The following IGF2BP1 variants were observed in gnomAD, a reference collection of about 807,000 sequenced individuals.
IGF2BP1 encodes the protein insulin-like growth factor 2 mRNA-binding protein 1.
Under a neutral mutation model 74.9 loss-of-function variants are expected in IGF2BP1, and 11 were observed. The observed-to-expected ratio is 0.15, with a 90% CI of 0.09 to 0.24. The LOEUF (loss-of-function observed/expected upper bound fraction) is 0.24, where lower values mean the gene tolerates loss of function less well. Among genes scored for constraint, IGF2BP1 ranks in the 10% least tolerant of loss-of-function variants. IGF2BP1 has a pLI of 1.00. For missense variants in IGF2BP1, 440 were observed against 757.4 expected, an observed-to-expected ratio of 0.58 and a Z score of 4.92; for synonymous variants, 287 against 281.8, an observed-to-expected ratio of 1.02 and a Z score of -0.18.
At chr17:49,010,351 C>G (rs1051263117) in intron 2 of IGF2BP1, among the ~76,000 whole-genome samples, 6 of 120,934 alleles carry the variant, frequency 5.0e-5, no homozygotes, top group African/African-American at 6.4e-5. Flanking sequence ...CAGTCTTGCT[C>G]TGTCGCCCAG....
At chr17:49,013,368 C>T (rs1244115622) in intron 2 of IGF2BP1, among the ~76,000 whole-genome samples, 2 of 152,150 alleles carry the variant, frequency 1.3e-5, no homozygotes, top group Non-Finnish European at 2.9e-5. Context: ...GTTCCGTGCC[C>T]CCACCCTGCT....
chr17:49,003,817 G>C (rs1598121285), intron 2 of IGF2BP1, among the ~76,000 whole-genome samples: 1 of 149,970 alleles, frequency 6.7e-6, no homozygotes, highest in Admixed American at 6.7e-5. Flanking sequence ...GGAGATACGG[G>C]GTTGGGTGGA....
intron 2 of IGF2BP1, chr17:49,014,740 G>A (rs1247578454): frequency 2.0e-6 from 2 of 984,242 alleles, no homozygotes; most frequent in Non-Finnish European, 2.4e-6. Flanking sequence ...GCAGACGCTT[G>A]CGGGGCTGGT....
chr17:49,004,162 C>CT (rs1437975599), intron 2 of IGF2BP1, among the ~76,000 whole-genome samples: 1 of 152,228 alleles, frequency 6.6e-6, no homozygotes, highest in Non-Finnish European at 1.5e-5. Context: ...AGAACATCCG[C>CT]TGGCCTGGGT....
chr17:49,004,980 G>A (rs1028867718), intron 2 of IGF2BP1: 1 of 152,220 alleles, frequency 6.6e-6, no homozygotes. Flanking sequence ...TCCCCAGGTA[G>A]TGACTTCATT....
chr17:49,049,816 C>T lies in IGF2BP1; in HGVS notation c.*372C>T, dbSNP rs2042148272. ...CATGCAGAGAGGTGTTTTAATCAGC[C>T]TTAAAGGATGGTTCATTTCTTGACC... is the stretch of plus-strand genomic sequence containing the variant. On this transcript the variant is annotated 3_prime_UTR_variant, in exon 15 of 15. Coordinates refer to ENST00000290341, the MANE Select transcript of IGF2BP1 (RefSeq NM_006546.4). The T allele has an allele frequency of 6.0e-6, 1 of 165,898 alleles. No individual in the cohort carries two copies. Among genetic ancestry groups the T allele is most frequent in the Non-Finnish European group, 1.3e-5 (1 of 77,032 alleles). The allele number at this position is 165,898 out of a possible 1,614,324, so 10.3% of individuals were successfully genotyped here. A position where few individuals can be genotyped will look rare whatever the true frequency, so the allele number is the denominator to read the frequency against.
At chr17:49,033,887 A>C (rs2041952258) in intron 5 of IGF2BP1, among the ~76,000 whole-genome samples, 1 of 147,296 alleles carries the variant, frequency 6.8e-6, no homozygotes. Context: ...TGTTGCAAAC[A>C]CAGCTCATTG....
intron 2 of IGF2BP1, among the ~76,000 whole-genome samples, chr17:49,015,687 C>G (rs995263987): frequency 3.3e-5 from 5 of 152,234 alleles, no homozygotes; most frequent in Non-Finnish European, 2.9e-5. Context: ...GGGAGCCACT[C>G]AAGGTCGGGG....
intron 2 of IGF2BP1, among the ~76,000 whole-genome samples, chr17:49,020,116 C>T (rs1224964254): frequency 1.3e-5 from 2 of 150,948 alleles, no homozygotes; most frequent in African/African-American, 2.4e-5. Flanking sequence ...TGCAATGGTG[C>T]GATCTCACTG....
intron 2 of IGF2BP1, among the ~76,000 whole-genome samples, chr17:49,011,273 GA>G (rs2041616788): frequency 6.6e-6 from 1 of 151,426 alleles, no homozygotes; most frequent in African/African-American, 2.4e-5. Context: ...TCACAGAAAT[GA>G]GGCTCTCAGT....
intron 12 of IGF2BP1, 37 bp downstream of exon 12, chr17:49,045,102 G>A: frequency 1.3e-6 from 2 of 1,576,748 alleles, no homozygotes; most frequent in Middle Eastern, 1.7e-4. Flanking sequence ...TGAACATGGA[G>A]GAATTGAGGT....
chr17:49,047,367 C>CATA (rs943265103), intron 14 of IGF2BP1, among the ~76,000 whole-genome samples: 6 of 151,864 alleles, frequency 4.0e-5, no homozygotes, highest in South Asian at 2.1e-4. Context: ...TAATAAGAGC[C>CATA]ATAATAATAA....
intron 2 of IGF2BP1, chr17:49,014,781 G>T: frequency 1.0e-6 from 1 of 985,380 alleles, no homozygotes; most frequent in Non-Finnish European, 1.2e-6. Flanking sequence ...TCATCAGGGG[G>T]CACTAAGGAC....
chr17:49,047,913 A>G (rs2042125342), intron 14 of IGF2BP1, among the ~76,000 whole-genome samples: 1 of 151,954 alleles, frequency 6.6e-6, no homozygotes, highest in East Asian at 1.9e-4. Context: ...ATGAGGTTTC[A>G]CCATGTGGCC....
chr17:49,002,663 CTT>C (rs2041500570), intron 2 of IGF2BP1, among the ~76,000 whole-genome samples: 1 of 148,460 alleles, frequency 6.7e-6, no homozygotes, highest in Non-Finnish European at 1.5e-5. Flanking sequence ...ATTGATTACT[CTT>C]TTAAAAAGGT....
intron 10 of IGF2BP1, 32 bp from the exon 11 acceptor site, chr17:49,043,935 C>T (rs771745410): frequency 9.9e-6 from 16 of 1,608,394 alleles, no homozygotes; most frequent in South Asian, 8.8e-5. Context: ...GCTACTTGGG[C>T]CCCCTGGTAA....
intron 2 of IGF2BP1, among the ~76,000 whole-genome samples, chr17:49,022,424 C>T (rs562303724): frequency 2.2e-4 from 33 of 152,270 alleles, no homozygotes; most frequent in African/African-American, 7.9e-4. Context: ...CCCCGCCCCT[C>T]CCGCTGTTGT....
At chr17:49,014,311 C>T (rs927483063) in intron 2 of IGF2BP1, among the ~76,000 whole-genome samples, 27 of 142,380 alleles carry the variant, frequency 1.9e-4, no homozygotes, top group African/African-American at 7.0e-4. Flanking sequence ...TCTGTCTCCC[C>T]CTCAGTCTCA....
rs1368084808 is a variant in IGF2BP1 at position 49,019,943 on chromosome 17, TATATATTTATATACAC to T, written c.237-5673_237-5658del. On this transcript the variant is annotated intron_variant, in intron 2 of 14. Transcript: ENST00000290341. ...ATATATATATATATATATATATATA[TATATATTTATATACAC>T]ACACACACACACACACATACACCCA... Among the ~76,000 whole-genome samples the T allele has an allele frequency of 2.0e-3, 109 of 53,942 alleles. 3 individuals carry two copies. Among genetic ancestry groups the T allele is most frequent in the African/African-American group, 0.011 (104 of 9,730 alleles). 35.4% of individuals were successfully genotyped at this position (53,942 alleles called of 152,430 possible).
Sources: gnomAD v4.1 joint callset for allele counts (sites outside exome capture counted in the v4.1 genomes callset) on GRCh38, gnomAD v4.1.1 for gene constraint, MANE v1.5 for transcripts, NCBI Gene and HGNC (gene_info 2026-07-23, HGNC 2026-07-21) for gene names.